The following SNCB variants were observed in gnomAD, a reference collection of about 807,000 sequenced individuals.
SNCB encodes the protein synuclein beta, also known as beta-synuclein.
SNCB carries 8 observed loss-of-function variants against 20.0 expected under a neutral mutation model. The observed-to-expected ratio is 0.40, with a 90% CI of 0.24 to 0.72. The LOEUF (loss-of-function observed/expected upper bound fraction) is 0.72. SNCB is among the 30% of genes least tolerant of loss of function. SNCB has a pLI of 0.37. For synonymous variants in SNCB, 56 were observed against 65.4 expected, an observed-to-expected ratio of 0.86 and a Z score of 0.69; for missense variants, 125 against 168.0, an observed-to-expected ratio of 0.74 and a Z score of 1.41.
In SNCB at chr5:176,629,517, C is replaced by A. The variant is rs892489098; in HGVS notation, c.121+17G>T. 1 of 1,611,706 alleles carries A rather than the reference C, an allele frequency of 6.2e-7. No individual in the cohort carries two copies. Among genetic ancestry groups the A allele is most frequent in the Non-Finnish European group, 8.5e-7 (1 of 1,178,982 alleles). ...ACCCCCAGCCCTGCAGCCCCAGAAA[C>A]CCCGCCCCTTACCCACCGACGTAGA... On this transcript the variant is annotated intron_variant, in intron 2 of 5. Transcript: ENST00000393693. The surrounding 1 kb of genome is among the most constrained non-coding windows in gnomAD (Gnocchi z 4.1).
chr5:176,621,531 C>T lies in SNCB; in HGVS notation c.283-228G>A, dbSNP rs936019226. 6.6e-6 allele frequency among the ~76,000 whole-genome samples: 1 copy of T among 152,238 alleles called. No individual in the cohort carries two copies. Among genetic ancestry groups the T allele is most frequent in the African/African-American group, 2.4e-5 (1 of 41,468 alleles). ...AGTGGCAGCATGGAGTGGGAGCTGG[C>T]TCTCCACGCCGCTCCCCCAATGCCT... is the stretch of plus-strand genomic sequence containing the variant. On this transcript the variant is annotated intron_variant, in intron 4 of 5. Coordinates refer to ENST00000393693, the MANE Select transcript of SNCB (RefSeq NM_003085.5). This position sits in a 1 kb window ranked among gnomAD's most constrained non-coding sequence, Gnocchi z 4.1.
rs753870917 is a variant in SNCB, at chr5:176,629,706, C to T, written c.-9-43G>A. 2 of 1,597,768 alleles carry T rather than the reference C, an allele frequency of 1.3e-6. No homozygotes were observed. Among genetic ancestry groups the T allele is most frequent in the Non-Finnish European group, 1.7e-6 (2 of 1,169,862 alleles). On this transcript the variant is annotated intron_variant, in intron 1 of 5. Transcript: ENST00000393693. The surrounding 1 kb of genome is among the most constrained non-coding windows in gnomAD (Gnocchi z 4.1). ...CGGGCACCGGTGCACTGGCCCCGCA[C>T]TCTCACCCCAGCCCCTCCCGCGGGA...
intron 4 of SNCB, among the ~76,000 whole-genome samples, chr5:176,623,978 C>T (rs951879982): frequency 2.0e-5 from 3 of 152,188 alleles, no homozygotes; most frequent in Non-Finnish European, 2.9e-5. Flanking sequence ...AAAGCATGCT[C>T]GAAGCAGAGA....
At chr5:176,624,979 T>G (rs1487772201) in intron 4 of SNCB, among the ~76,000 whole-genome samples, 1 of 152,130 alleles carries the variant, frequency 6.6e-6, no homozygotes, top group African/African-American at 2.4e-5. Context: ...GCCTGGTGGA[T>G]GCACTCATGC....
At position 176,629,880 on chromosome 5, in the gene SNCB, G is replaced by C; in HGVS notation, c.-9-217C>G. 1 of 569,760 alleles carries C rather than the reference G, an allele frequency of 1.8e-6. No homozygotes were observed. Among genetic ancestry groups the C allele is most frequent in the South Asian group, 2.6e-5 (1 of 38,260 alleles). The allele number at this position is 569,760 out of a possible 1,614,324, so 35.3% of individuals were successfully genotyped here. ...CCTTGAAACCTGGGGACGCGGGAGGGGCCACTGCCTCGGTTATCCGGGCCC... is the reference window on the plus strand; with the variant it reads ...CCTTGAAACCTGGGGACGCGGGAGGCGCCACTGCCTCGGTTATCCGGGCCC... On this transcript the variant is annotated intron_variant, in intron 1 of 5. Transcript: ENST00000393693. The surrounding 1 kb of genome is among the most constrained non-coding windows in gnomAD (Gnocchi z 4.1).
In SNCB at chr5:176,629,814, T is replaced by G; in HGVS notation, c.-9-151A>C. 5 of 1,066,724 alleles carry G rather than the reference T, an allele frequency of 4.7e-6. No homozygotes were observed. The highest frequency in any genetic ancestry group is 5.2e-6 in the Non-Finnish European group (4 of 768,622). The allele number at this position is 1,066,724 out of a possible 1,614,324, so 66.1% of individuals were successfully genotyped here. A position where few individuals can be genotyped will look rare whatever the true frequency, so the allele number is the denominator to read the frequency against. On this transcript the variant is annotated intron_variant, in intron 1 of 5. Transcript: ENST00000393693. This position sits in a 1 kb window ranked among gnomAD's most constrained non-coding sequence, Gnocchi z 4.1. ...CCGCTTTCCCCCCATCCCACCCCACTCCCCAGTGCGAAGCCTCAGGGCCGC... is the reference window on the plus strand; with the variant it reads ...CCGCTTTCCCCCCATCCCACCCCACGCCCCAGTGCGAAGCCTCAGGGCCGC...
At chr5:176,624,697 G>T (rs979628569) in intron 4 of SNCB, among the ~76,000 whole-genome samples, 2 of 151,532 alleles carry the variant, frequency 1.3e-5, no homozygotes, top group Non-Finnish European at 2.9e-5. Context: ...AGCAACTTGG[G>T]AGGCTGAGGC....
At chr5:176,625,210 G>C (rs1443415078) in intron 4 of SNCB, among the ~76,000 whole-genome samples, 1 of 152,188 alleles carries the variant, frequency 6.6e-6, no homozygotes, top group Non-Finnish European at 1.5e-5. Flanking sequence ...ATCTCTTGCA[G>C]GGCATTCACT....
intron 2 of SNCB, among the ~76,000 whole-genome samples, chr5:176,628,536 G>A (rs79303614): frequency 6.6e-6 from 1 of 152,114 alleles, no homozygotes; most frequent in African/African-American, 2.4e-5. Context: ...CCTGCAAAGG[G>A]CCCTCGTGAA....
rs185668124 is a variant in SNCB, at chr5:176,626,677, C to T, written c.163+43G>A. 293 of 1,609,932 alleles carry T rather than the reference C, an allele frequency of 1.8e-4. 1 individual carries two copies. The highest frequency in any genetic ancestry group is 1.3e-3 in the South Asian group (120 of 90,998). Reference sequence around the variant, plus strand: ...CCCTCTGGTTCCCGGCCAGATCATCCGCCTAAGTGAGAGAAGGGCTGGTGC... The same window carrying T: ...CCCTCTGGTTCCCGGCCAGATCATCTGCCTAAGTGAGAGAAGGGCTGGTGC... On this transcript the variant is annotated intron_variant, in intron 3 of 5. Coordinates refer to ENST00000393693, the MANE Select transcript of SNCB (RefSeq NM_003085.5). The surrounding 1 kb of genome is among the most constrained non-coding windows in gnomAD (Gnocchi z 4.2).
At chr5:176,628,774 A>G (rs1315219464) in intron 2 of SNCB, among the ~76,000 whole-genome samples, 1 of 152,150 alleles carries the variant, frequency 6.6e-6, no homozygotes, top group Non-Finnish European at 1.5e-5. Context: ...TCACTGTGAA[A>G]CCCCAGCATC....
rs1486751167 is a variant in SNCB, at chr5:176,626,872, G to A, written c.122-111C>T. 9.0e-7 allele frequency: 1 copy of A among 1,115,918 alleles called. No homozygotes were observed. Among genetic ancestry groups the A allele is most frequent in the East Asian group, 2.3e-5 (1 of 42,592 alleles). 69.1% of individuals were successfully genotyped at this position (1,115,918 alleles called of 1,614,324 possible). A position where few individuals can be genotyped will look rare whatever the true frequency, so the allele number is the denominator to read the frequency against. On this transcript the variant is annotated intron_variant, in intron 2 of 5. Transcript: ENST00000393693. The surrounding 1 kb of genome is among the most constrained non-coding windows in gnomAD (Gnocchi z 4.2). ...ATCCTGGCCCCGTCACTGCCTCCTTGGGTCCCCACATCCTACAACCTGCAC... is the reference window on the plus strand; with the variant it reads ...ATCCTGGCCCCGTCACTGCCTCCTTAGGTCCCCACATCCTACAACCTGCAC...
At chr5:176,622,787 T>C (rs13183289) in intron 4 of SNCB, among the ~76,000 whole-genome samples, 143,358 of 145,440 alleles carry the variant, frequency 0.99, 70,687 homozygotes, top group Middle Eastern at 1. Flanking sequence ...CCCAGGCTGG[T>C]GCGCAGTGGT....
At position 176,620,924 on chromosome 5, in the gene SNCB, A is replaced by G; in HGVS notation, c.373-81T>C. The G allele has an allele frequency of 8.1e-7, 1 of 1,237,596 alleles. No individual in the cohort carries two copies. The highest frequency in any genetic ancestry group is 1.2e-5 in the South Asian group (1 of 83,552). 76.7% of individuals were successfully genotyped at this position (1,237,596 alleles called of 1,614,324 possible). ...AGACCAAGTGGCCAAGCCCCGGCCC[A>G]AGAACCCTCTCCCTGAAGGAGGAAT... On this transcript the variant is annotated intron_variant, in intron 5 of 5. Coordinates refer to ENST00000393693, the MANE Select transcript of SNCB (RefSeq NM_003085.5). The surrounding 1 kb of genome is among the most constrained non-coding windows in gnomAD (Gnocchi z 4.5).
Position 176,620,935 on chromosome 5 carries a change from C to T in SNCB, c.373-92G>A. On this transcript the variant is annotated intron_variant, in intron 5 of 5. Transcript: ENST00000393693. The surrounding 1 kb of genome is among the most constrained non-coding windows in gnomAD (Gnocchi z 4.5). ...CCAAGCCCCGGCCCAAGAACCCTCT[C>T]CCTGAAGGAGGAATAGCACATTCCC... 1 of 1,134,216 alleles carries T rather than the reference C, an allele frequency of 8.8e-7. No homozygotes were observed. Among genetic ancestry groups the T allele is most frequent in the Non-Finnish European group, 1.3e-6 (1 of 744,608 alleles). 70.3% of individuals were successfully genotyped at this position (1,134,216 alleles called of 1,614,324 possible).
chr5:176,626,862 C>T lies in SNCB; in HGVS notation c.122-101G>A. 7.8e-7 allele frequency: 1 copy of T among 1,274,082 alleles called. No individual in the cohort carries two copies. The highest frequency in any genetic ancestry group is 1.1e-6 in the Non-Finnish European group (1 of 872,966). The allele number at this position is 1,274,082 out of a possible 1,614,324, so 78.9% of individuals were successfully genotyped here. On this transcript the variant is annotated intron_variant, in intron 2 of 5. Transcript: ENST00000393693. The surrounding 1 kb of genome is among the most constrained non-coding windows in gnomAD (Gnocchi z 4.2). ...CAGAGTGGGCATCCTGGCCCCGTCA[C>T]TGCCTCCTTGGGTCCCCACATCCTA...
At position 176,629,997 on chromosome 5, in the gene SNCB, G is replaced by A; in HGVS notation, c.-10+283C>T. The A allele has an allele frequency of 3.8e-6, 1 of 264,322 alleles. No homozygotes were observed. Among genetic ancestry groups the A allele is most frequent in the Non-Finnish European group, 7.3e-6 (1 of 136,810 alleles). 16.4% of individuals were successfully genotyped at this position (264,322 alleles called of 1,614,324 possible). A position where few individuals can be genotyped will look rare whatever the true frequency, so the allele number is the denominator to read the frequency against. On this transcript the variant is annotated intron_variant, in intron 1 of 5. Transcript: ENST00000393693. The surrounding 1 kb of genome is among the most constrained non-coding windows in gnomAD (Gnocchi z 4.1). ...ACGCACGGCACAGTCACACGGTCAT[G>A]CACACAAACATACACCACGGACAAG...
chr5:176,624,732 G>A (rs1262125661), intron 4 of SNCB, among the ~76,000 whole-genome samples: 2 of 148,908 alleles, frequency 1.3e-5, no homozygotes, highest in African/African-American at 5.0e-5. Flanking sequence ...AATCCAGGAG[G>A]CAGAGGTTGC....
chr5:176,621,422 A>G lies in SNCB; in HGVS notation c.283-119T>C, dbSNP rs995962226. On this transcript the variant is annotated intron_variant, in intron 4 of 5. Coordinates refer to ENST00000393693, the MANE Select transcript of SNCB (RefSeq NM_003085.5). This position sits in a 1 kb window ranked among gnomAD's most constrained non-coding sequence, Gnocchi z 4.1. ...GCTAGGGTGGGTTGGCAGAGCAAGGATAATTTCTAATTCAGTTATTTATTT... is the reference window on the plus strand; with the variant it reads ...GCTAGGGTGGGTTGGCAGAGCAAGGGTAATTTCTAATTCAGTTATTTATTT... The G allele has an allele frequency of 7.8e-6, 6 of 769,452 alleles. No individual in the cohort carries two copies. The highest frequency in any genetic ancestry group is 1.4e-5 in the Non-Finnish European group (6 of 437,284). The allele number at this position is 769,452 out of a possible 1,614,324, so 47.7% of individuals were successfully genotyped here. A position where few individuals can be genotyped will look rare whatever the true frequency, so the allele number is the denominator to read the frequency against.
Sources: gnomAD v4.1 joint callset for allele counts (sites outside exome capture counted in the v4.1 genomes callset) on GRCh38, gnomAD v4.1.1 for gene constraint, Gnocchi (gnomAD v3.1) non-coding constraint, MANE v1.5 for transcripts, NCBI Gene and HGNC (gene_info 2026-07-23, HGNC 2026-07-21) for gene names.